The following PXDC1 variants were observed in gnomAD, a reference collection of about 807,000 sequenced individuals.
The protein encoded by PXDC1 is PX domain containing 1.
Under a neutral mutation model 24.4 loss-of-function variants are expected in PXDC1, and 13 were observed. That is an observed-to-expected ratio of 0.53 (90% CI 0.35 to 0.85). The LOEUF is 0.85. Ranked by LOEUF, PXDC1 falls within the 40% of genes least tolerant of loss-of-function variation. The probability of loss-of-function intolerance (pLI) is 0.01; values close to 1 mark genes in which losing one functional copy is unlikely to be tolerated. For missense variants in PXDC1, 344 were observed against 309.3 expected, an observed-to-expected ratio of 1.11 and a Z score of -0.84; for synonymous variants, 162 against 124.9, an observed-to-expected ratio of 1.30 and a Z score of -1.98.
intron 1 of PXDC1, among the ~76,000 whole-genome samples, chr6:3,745,095 G>A (rs2127602144): frequency 6.6e-6 from 1 of 152,356 alleles, no homozygotes; most frequent in Admixed American, 6.5e-5. Context: ...GGACGAGCAA[G>A]GCCACAGGCC....
At position 3,728,251 on chromosome 6, in the gene PXDC1, A is replaced by G. The variant is rs1482623264; in HGVS notation, c.467-589T>C. 1.3e-5 allele frequency among the ~76,000 whole-genome samples: 2 copies of G among 152,206 alleles called. No homozygotes were observed. The highest frequency in any genetic ancestry group is 4.8e-5 in the African/African-American group (2 of 41,454). ...TGGATCCATCACCCAAGCAGGGTAC[A>G]CTATACCCAGTAAGTAGTCTTTTAT... On this transcript the variant is annotated intron_variant, in intron 3 of 4. Coordinates refer to ENST00000380283, the MANE Select transcript of PXDC1 (RefSeq NM_183373.4). This position sits in a 1 kb window ranked among gnomAD's most constrained non-coding sequence, Gnocchi z 4.0.
Position 3,727,800 on chromosome 6 carries a change from G to A in PXDC1, c.467-138C>T, listed in dbSNP as rs188952188. The A allele has an allele frequency of 2.0e-4, 124 of 625,252 alleles. 1 individual carries two copies. Among genetic ancestry groups the A allele is most frequent in the Admixed American group, 1.1e-3 (41 of 38,506 alleles). The allele number at this position is 625,252 out of a possible 1,614,324, so 38.7% of individuals were successfully genotyped here. On this transcript the variant is annotated intron_variant, in intron 3 of 4. Transcript: ENST00000380283. Reference sequence around the variant, plus strand: ...CTCTTCCACACCGTAAGAGAATGCCGTGCACCCGAGACCCATTCAGAGCTC... The same window carrying A: ...CTCTTCCACACCGTAAGAGAATGCCATGCACCCGAGACCCATTCAGAGCTC...
intron 1 of PXDC1, among the ~76,000 whole-genome samples, chr6:3,748,120 T>G (rs1561740685): frequency 6.6e-6 from 1 of 152,176 alleles, no homozygotes; most frequent in Non-Finnish European, 1.5e-5. Flanking sequence ...CCTTCCTAGA[T>G]GCGAGAGATG....
Position 3,751,487 on chromosome 6 carries a change from G to C in PXDC1, c.45C>G (p.Phe15Leu). The C allele has an allele frequency of 6.2e-7, 1 of 1,604,244 alleles. No individual in the cohort carries two copies. Among genetic ancestry groups the C allele is most frequent in the South Asian group, 1.1e-5 (1 of 89,406 alleles). The change falls in exon 1 of 5, where the codon TTC becomes TTG. Residue 15 changes from phenylalanine (F) to leucine (L), a missense_variant. By Grantham distance (22) the Phe-to-Leu change is conservative (BLOSUM62 0). Coordinates refer to ENST00000380283, the MANE Select transcript of PXDC1 (RefSeq NM_183373.4). ...VFEGTSLVNM[F>L]VRGCWVNGIR... is the part of the protein sequence containing the mutation. ...TGCCGTTCACCCAGCAGCCGCGCAC[G>C]AACATGTTCACGAGCGACGTGCCCT...
rs1045085452 is a variant in PXDC1 at position 3,728,250 on chromosome 6, C to T, written c.467-588G>A. On this transcript the variant is annotated intron_variant, in intron 3 of 4. Coordinates refer to ENST00000380283, the MANE Select transcript of PXDC1 (RefSeq NM_183373.4). This position sits in a 1 kb window ranked among gnomAD's most constrained non-coding sequence, Gnocchi z 4.0. ...GTGGATCCATCACCCAAGCAGGGTACACTATACCCAGTAAGTAGTCTTTTA... is the reference window on the plus strand; with the variant it reads ...GTGGATCCATCACCCAAGCAGGGTATACTATACCCAGTAAGTAGTCTTTTA... Among the ~76,000 whole-genome samples, 1 of 152,204 alleles carries T rather than the reference C, an allele frequency of 6.6e-6. No individual in the cohort carries two copies. Among genetic ancestry groups the T allele is most frequent in the African/African-American group, 2.4e-5 (1 of 41,452 alleles).
In PXDC1 at chr6:3,724,471, C is replaced by T. The variant is rs1760011739; in HGVS notation, c.579-735G>A. Reference sequence around the variant, plus strand: ...AGACTTCCTACGTTAAGAAAAGAGACTCCAGGTCTTTAAAAATGCGTAACA... The same window carrying T: ...AGACTTCCTACGTTAAGAAAAGAGATTCCAGGTCTTTAAAAATGCGTAACA... On this transcript the variant is annotated intron_variant, in intron 4 of 4. Coordinates refer to ENST00000380283, the MANE Select transcript of PXDC1 (RefSeq NM_183373.4). This position sits in a 1 kb window ranked among gnomAD's most constrained non-coding sequence, Gnocchi z 4.5. Among the ~76,000 whole-genome samples the T allele has an allele frequency of 6.6e-6, 1 of 152,186 alleles. No homozygotes were observed.
intron 3 of PXDC1, 112 bp downstream of exon 3, chr6:3,736,967 T>C: frequency 1.4e-6 from 1 of 729,484 alleles, no homozygotes; most frequent in South Asian, 1.6e-5. Flanking sequence ...CTCTCGATTG[T>C]CTTTCTGGAA....
In PXDC1 at chr6:3,746,785, G is replaced by T. The variant is rs113705372; in HGVS notation, c.256+4491C>A. On this transcript the variant is annotated intron_variant, in intron 1 of 4. Coordinates refer to ENST00000380283, the MANE Select transcript of PXDC1 (RefSeq NM_183373.4). ...GTGGGATTCTCCCTTATGTTTCAGG[G>T]TAACACAGGGCTTCTCCCCTCACTG... 6.3e-3 allele frequency among the ~76,000 whole-genome samples: 960 copies of T among 152,234 alleles called. 10 individuals carry two copies. The highest frequency in any genetic ancestry group is 0.022 in the African/African-American group (911 of 41,536).
In PXDC1 at chr6:3,724,062, C is replaced by T. The variant is rs757839196; in HGVS notation, c.579-326G>A. On this transcript the variant is annotated intron_variant, in intron 4 of 4. Transcript: ENST00000380283. This position sits in a 1 kb window ranked among gnomAD's most constrained non-coding sequence, Gnocchi z 4.5. ...TGGGATCAGCAGTGAACAAGGCAGG[C>T]AGGGTCTGTCCTCAGGGAAGAGGCG... Among the ~76,000 whole-genome samples, 70 of 152,340 alleles carry T rather than the reference C, an allele frequency of 4.6e-4. No individual in the cohort carries two copies. The highest frequency in any genetic ancestry group is 6.8e-3 in the Middle Eastern group (2 of 294).
intron 1 of PXDC1, among the ~76,000 whole-genome samples, chr6:3,748,240 T>C (rs940006947): frequency 1.3e-5 from 2 of 152,042 alleles, no homozygotes; most frequent in Admixed American, 6.6e-5. Flanking sequence ...ACGGAACACC[T>C]TGGTAACCCG....
chr6:3,727,419 G>A, intron 4 of PXDC1, 132 bp downstream of exon 4: 1 of 609,324 alleles, frequency 1.6e-6, no homozygotes, highest in East Asian at 2.8e-5. Flanking sequence ...TAAAATCAGT[G>A]TCCAAATGCA....
intron 3 of PXDC1, among the ~76,000 whole-genome samples, chr6:3,736,619 C>T (rs1368306194): frequency 6.6e-6 from 1 of 152,170 alleles, no homozygotes; most frequent in Non-Finnish European, 1.5e-5. Context: ...CCCAGCTTCC[C>T]CTTCCTTCCT....
chr6:3,734,759 A>G (rs1364444749), intron 3 of PXDC1, among the ~76,000 whole-genome samples: 1 of 151,918 alleles, frequency 6.6e-6, no homozygotes. Flanking sequence ...CCATCAAAAT[A>G]CAAATGACAT....
At chr6:3,738,922 A>C in intron 1 of PXDC1, 2 of 1,302,272 alleles carry the variant, frequency 1.5e-6, no homozygotes, top group Non-Finnish European at 2.0e-6. Flanking sequence ...GCCCAAGGAC[A>C]CTGGCGTCTC....
At chr6:3,736,950 C>T (rs377023599) in intron 3 of PXDC1, 129 bp downstream of exon 3, 9 of 712,192 alleles carry the variant, frequency 1.3e-5, no homozygotes, top group African/African-American at 5.3e-5. Flanking sequence ...CCTGTACATT[C>T]GCATTTCTCT....
intron 1 of PXDC1, among the ~76,000 whole-genome samples, chr6:3,739,522 G>C (rs1760407119): frequency 6.6e-6 from 1 of 152,256 alleles, no homozygotes; most frequent in Non-Finnish European, 1.5e-5. Flanking sequence ...AAGAGGGGCA[G>C]GGTCCGTGGT....
chr6:3,736,129 C>A (rs1041014711), intron 3 of PXDC1, among the ~76,000 whole-genome samples: 3 of 152,168 alleles, frequency 2.0e-5, no homozygotes, highest in African/African-American at 4.8e-5. Flanking sequence ...CATCAGTCAC[C>A]CATCCCCACT....
chr6:3,738,978 G>A (rs1353803114), intron 1 of PXDC1: 21 of 1,287,626 alleles, frequency 1.6e-5, no homozygotes, highest in Admixed American at 1.2e-4. Context: ...GCCTGTGAGC[G>A]GTGATTAAAC....
At chr6:3,740,423 G>A (rs929497057) in intron 1 of PXDC1, among the ~76,000 whole-genome samples, 1 of 152,218 alleles carries the variant, frequency 6.6e-6, no homozygotes, top group African/African-American at 2.4e-5. Context: ...AGCAGGGACA[G>A]ACTTACACTA....
Sources: gnomAD v4.1 joint callset for allele counts (sites outside exome capture counted in the v4.1 genomes callset) on GRCh38, gnomAD v4.1.1 for gene constraint, Gnocchi (gnomAD v3.1) non-coding constraint, MANE v1.5 for transcripts, NCBI Gene and HGNC (gene_info 2026-07-23, HGNC 2026-07-21) for gene names.